The following DISC1 variants were observed in gnomAD, a reference collection of about 807,000 sequenced individuals.
DISC1 encodes the protein DISC1 scaffold protein.
A neutral mutation model predicts 84.5 loss-of-function variants in DISC1; 57 were observed. The ratio of observed to expected loss-of-function variants is 0.67; its 90% confidence interval spans 0.55 to 0.84. The LOEUF (loss-of-function observed/expected upper bound fraction) is 0.84, where lower values mean the gene tolerates loss of function less well. Among genes scored for constraint, DISC1 ranks in the 40% least tolerant of loss-of-function variants. DISC1 has a pLI of 0.00. For synonymous variants in DISC1, 411 were observed against 415.2 expected (o/e 0.99, Z 0.12); for missense variants, 1,000 against 1,057.8 (o/e 0.95, Z 0.76).
chr1:231,648,460 C>T lies in DISC1; in HGVS notation c.67+21526C>T, dbSNP rs144481169. ...TGATGTGCTGCTGGATTCGGTTTGC[C>T]GGTATTTTATTCAGGATTTTTGCAT... On this transcript the variant is annotated intron_variant, in intron 1 of 12. Transcript: ENST00000439617. Among the ~76,000 whole-genome samples, 71 of 152,172 alleles carry T rather than the reference C, an allele frequency of 4.7e-4. 1 individual carries two copies. Among genetic ancestry groups the T allele is most frequent in the Middle Eastern group, 6.8e-3 (2 of 294 alleles).
At chr1:232,026,985 A>G (rs1442181275) in intron 12 of DISC1, among the ~76,000 whole-genome samples, 1 of 151,924 alleles carries the variant, frequency 6.6e-6, no homozygotes, top group Non-Finnish European at 1.5e-5. Context: ...TCCTGACCTC[A>G]AGTGATCCGC....
At chr1:231,680,654 G>T (rs2063596420) in intron 1 of DISC1, among the ~76,000 whole-genome samples, 1 of 152,186 alleles carries the variant, frequency 6.6e-6, no homozygotes, top group East Asian at 1.9e-4. Context: ...GTGGCACAAA[G>T]CTTTGATGTG....
At chr1:232,017,873 C>T (rs1668625879) in intron 11 of DISC1, among the ~76,000 whole-genome samples, 1 of 152,196 alleles carries the variant, frequency 6.6e-6, no homozygotes, top group South Asian at 2.1e-4. Flanking sequence ...TCTATTTCTT[C>T]ACACTCTTAC....
chr1:231,773,577 G>C (rs957987656), intron 6 of DISC1, among the ~76,000 whole-genome samples: 11 of 152,046 alleles, frequency 7.2e-5, no homozygotes, highest in African/African-American at 2.7e-4. Flanking sequence ...GTAGAGACAG[G>C]GTTTCACCAT....
chr1:232,012,201 C>T (rs1431515739), intron 11 of DISC1, among the ~76,000 whole-genome samples: 2 of 152,126 alleles, frequency 1.3e-5, no homozygotes, highest in East Asian at 1.9e-4. Flanking sequence ...CTTAACTTTC[C>T]CTTTTGCATA....
chr1:231,809,909 C>A (rs1214971163), intron 8 of DISC1, among the ~76,000 whole-genome samples: 2 of 151,970 alleles, frequency 1.3e-5, no homozygotes, highest in Non-Finnish European at 2.9e-5. Flanking sequence ...TTGACCATGT[C>A]AATTGTCAAA....
intron 9 of DISC1, among the ~76,000 whole-genome samples, chr1:231,851,669 C>T (rs993134340): frequency 8.5e-5 from 13 of 152,050 alleles, no homozygotes; most frequent in Non-Finnish European, 1.8e-4. Flanking sequence ...CGTGATGCGT[C>T]GTCATGGAGC....
At chr1:231,781,525 C>T (rs1384350230) in intron 6 of DISC1, among the ~76,000 whole-genome samples, 2 of 152,150 alleles carry the variant, frequency 1.3e-5, no homozygotes, top group Non-Finnish European at 2.9e-5. Context: ...ATAGCTAGTT[C>T]TAATATTGCA....
At chr1:231,853,708 G>T (rs1001579334) in intron 9 of DISC1, among the ~76,000 whole-genome samples, 1 of 152,158 alleles carries the variant, frequency 6.6e-6, no homozygotes, top group African/African-American at 2.4e-5. Flanking sequence ...AGGGCTGACT[G>T]GTGAGGAACT....
At position 231,884,313 on chromosome 1, in the gene DISC1, GT is replaced by G. The variant is rs375020795; in HGVS notation, c.1981+65799del. On this transcript the variant is annotated intron_variant, in intron 9 of 12. Coordinates refer to ENST00000439617, the MANE Select transcript of DISC1 (RefSeq NM_018662.3). ...ATCAGAAAATCCATGTGTACTCAAT[GT>G]TTAGCTCCCACTTATAAGCGAGAAC... 1.4e-4 allele frequency among the ~76,000 whole-genome samples: 22 copies of G among 152,280 alleles called. No homozygotes were observed. In the South Asian group the frequency reaches 4.6e-3, roughly 32 times the overall value.
intron 9 of DISC1, among the ~76,000 whole-genome samples, chr1:231,898,607 G>A (rs1287856541): frequency 2.0e-5 from 3 of 152,218 alleles, no homozygotes; most frequent in Admixed American, 6.5e-5. Context: ...CAACAAGTAA[G>A]GTTGGAAAGA....
At chr1:231,863,414 A>G (rs1045026604) in intron 9 of DISC1, among the ~76,000 whole-genome samples, 18 of 151,854 alleles carry the variant, frequency 1.2e-4, no homozygotes, top group South Asian at 2.1e-4. Context: ...TACTTTTAGT[A>G]GAGAAGGGGT....
At chr1:231,673,226 A>G (rs1025587604) in intron 1 of DISC1, among the ~76,000 whole-genome samples, 9 of 152,166 alleles carry the variant, frequency 5.9e-5, no homozygotes, top group Non-Finnish European at 1.3e-4. Flanking sequence ...ACTTCCTCCA[A>G]CATATCTTCC....
intron 1 of DISC1, among the ~76,000 whole-genome samples, chr1:231,629,018 T>G (rs2058491690): frequency 1.3e-5 from 2 of 152,182 alleles, no homozygotes. Context: ...ATTACAGGCA[T>G]GAGCCACCAG....
chr1:231,806,410 G>A (rs141791256), intron 8 of DISC1, among the ~76,000 whole-genome samples: 8 of 152,312 alleles, frequency 5.3e-5, no homozygotes, highest in African/African-American at 1.9e-4. Context: ...GGGTGGATTC[G>A]TTTTTTTGTT....
chr1:231,784,711 C>G (rs894193036), intron 6 of DISC1, among the ~76,000 whole-genome samples: 1 of 152,122 alleles, frequency 6.6e-6, no homozygotes, highest in Non-Finnish European at 1.5e-5. Flanking sequence ...TTGGTGAGCA[C>G]GAAGGTGAGT....
intron 9 of DISC1, among the ~76,000 whole-genome samples, chr1:231,904,756 A>G (rs923714844): frequency 6.6e-5 from 10 of 152,136 alleles, no homozygotes; most frequent in Non-Finnish European, 1.5e-4. Context: ...ATTGCTGAAT[A>G]CAAGCAGGGA....
chr1:231,929,076 C>T lies in DISC1; in HGVS notation c.1982-29752C>T, dbSNP rs186835698. On this transcript the variant is annotated intron_variant, in intron 9 of 12. Transcript: ENST00000439617. ...GTTCTGTAGATGTCTATTGCGTCTGCTTGGTCCAGAGCTGAGTTGAAGTCC... is the reference window on the plus strand; with the variant it reads ...GTTCTGTAGATGTCTATTGCGTCTGTTTGGTCCAGAGCTGAGTTGAAGTCC... 6.6e-5 allele frequency among the ~76,000 whole-genome samples: 10 copies of T among 152,256 alleles called. No individual in the cohort carries two copies. In the East Asian group the frequency reaches 1.9e-3, roughly 29 times the overall value.
chr1:231,743,170 A>G (rs1188184538), intron 3 of DISC1, among the ~76,000 whole-genome samples: 2 of 151,966 alleles, frequency 1.3e-5, no homozygotes, highest in Non-Finnish European at 2.9e-5. Flanking sequence ...TGGGTTTTTA[A>G]TTTTTTTTGG....
Sources: gnomAD v4.1 joint callset for allele counts (sites outside exome capture counted in the v4.1 genomes callset) on GRCh38, gnomAD v4.1.1 for gene constraint, MANE v1.5 for transcripts, NCBI Gene and HGNC (gene_info 2026-07-23, HGNC 2026-07-21) for gene names.